SDK1: variants seen among roughly 807,000 people sequenced by gnomAD.
The protein encoded by SDK1 is protein sidekick-1.
Under a neutral mutation model 245.5 loss-of-function variants are expected in SDK1, and 157 were observed. That is an observed-to-expected ratio of 0.64 (90% CI 0.56 to 0.73). The LOEUF (loss-of-function observed/expected upper bound fraction) is 0.73. Among genes scored for constraint, SDK1 ranks in the 30% least tolerant of loss-of-function variants. SDK1 has a pLI of 0.00. For missense variants in SDK1, 3,583 were observed against 3,002.3 expected, an observed-to-expected ratio of 1.19 and a Z score of -4.52; for synonymous variants, 1,647 against 1,278.5, an observed-to-expected ratio of 1.29 and a Z score of -6.15.
intron 4 of SDK1, among the ~76,000 whole-genome samples, chr7:3,657,535 G>C (rs896358498): frequency 6.6e-6 from 1 of 152,178 alleles, no homozygotes; most frequent in East Asian, 1.9e-4. Context: ...GACTGTGAGA[G>C]CCAGCTGTGC....
chr7:4,166,871 G>A (rs533536579), intron 32 of SDK1, among the ~76,000 whole-genome samples: 2 of 152,238 alleles, frequency 1.3e-5, no homozygotes, highest in African/African-American at 4.8e-5. Flanking sequence ...GAGCTGGGTG[G>A]GAGGTTCCAC....
chr7:3,323,630 A>G (rs918230970), intron 1 of SDK1, among the ~76,000 whole-genome samples: 17 of 152,208 alleles, frequency 1.1e-4, no homozygotes, highest in East Asian at 1.9e-4. Context: ...CAAACCAGCA[A>G]TGGTGTGTCA....
chr7:3,398,750 A>G (rs1778801527), intron 1 of SDK1, among the ~76,000 whole-genome samples: 1 of 148,092 alleles, frequency 6.8e-6, no homozygotes, highest in Non-Finnish European at 1.5e-5. Flanking sequence ...TGGGTCCCCT[A>G]AGACTGAGCC....
intron 1 of SDK1, among the ~76,000 whole-genome samples, chr7:3,414,085 A>G (rs571801993): frequency 6.6e-6 from 1 of 152,282 alleles, no homozygotes; most frequent in South Asian, 2.1e-4. Context: ...CAGCAGAGAT[A>G]GCTATGCCTT....
At chr7:4,191,466 G>C (rs1298816634) in intron 35 of SDK1, among the ~76,000 whole-genome samples, 1 of 152,248 alleles carries the variant, frequency 6.6e-6, no homozygotes, top group Non-Finnish European at 1.5e-5. Context: ...ACCATCCTGA[G>C]TTTCACTCCT....
intron 1 of SDK1, among the ~76,000 whole-genome samples, chr7:3,581,334 G>A (rs1333165238): frequency 6.6e-6 from 1 of 152,162 alleles, no homozygotes; most frequent in Non-Finnish European, 1.5e-5. Context: ...TAATTAGTGG[G>A]CAAAGGACAT....
chr7:3,476,529 A>G lies in SDK1; in HGVS notation c.299-142551A>G, dbSNP rs1324815090. On this transcript the variant is annotated intron_variant, in intron 1 of 44. Transcript: ENST00000404826. ...GAAATCTTCTAATACCTTATTACCA[A>G]AAAGTTTGGGGTCATATAGGACTTT... Among the ~76,000 whole-genome samples the G allele has an allele frequency of 2.6e-5, 4 of 152,188 alleles. No individual in the cohort carries two copies. The East Asian group carries it at 7.7e-4, about 29-fold the overall frequency.
At chr7:4,207,067 C>T (rs1051898505) in intron 36 of SDK1, among the ~76,000 whole-genome samples, 4 of 152,180 alleles carry the variant, frequency 2.6e-5, no homozygotes, top group Non-Finnish European at 5.9e-5. Flanking sequence ...AAGGCCTGGG[C>T]GAGCGGAAGA....
At chr7:3,705,901 T>C (rs186496104) in intron 4 of SDK1, among the ~76,000 whole-genome samples, 36 of 152,304 alleles carry the variant, frequency 2.4e-4, no homozygotes, top group African/African-American at 8.2e-4. Flanking sequence ...ATGTTGGATG[T>C]GGGTTTGCCA....
At chr7:3,717,926 A>G (rs374558584) in intron 4 of SDK1, among the ~76,000 whole-genome samples, 1 of 151,848 alleles carries the variant, frequency 6.6e-6, no homozygotes, top group African/African-American at 2.4e-5. Flanking sequence ...GGCCAGTATT[A>G]TTCTGATACC....
intron 2 of SDK1, among the ~76,000 whole-genome samples, chr7:3,629,312 GA>G (rs1481026163): frequency 1.2e-5 from 1 of 86,072 alleles, no homozygotes; most frequent in African/African-American, 3.0e-5. Context: ...AAAAAAAAAA[GA>G]AAAAAAAGAA....
chr7:4,144,687 C>G (rs999906959), intron 28 of SDK1, among the ~76,000 whole-genome samples: 1 of 152,052 alleles, frequency 6.6e-6, no homozygotes, highest in African/African-American at 2.4e-5. Context: ...TCACCCGGAA[C>G]AGAGGCTGAG....
In SDK1 at chr7:3,619,385, A is replaced by G. The variant is rs1299819012; in HGVS notation, c.458+146A>G. On this transcript the variant is annotated intron_variant, in intron 2 of 44. Transcript: ENST00000404826. Reference sequence around the variant, plus strand: ...ATTAAAGGAATAGATTTGAATATGTAATTAGAATGTGATTTACTATTCTGA... The same window carrying G: ...ATTAAAGGAATAGATTTGAATATGTGATTAGAATGTGATTTACTATTCTGA... 4.6e-6 allele frequency: 3 copies of G among 651,686 alleles called. No homozygotes were observed. In the African/African-American group the frequency reaches 5.4e-5, roughly 12 times the overall value. 40.4% of individuals were successfully genotyped at this position (651,686 alleles called of 1,614,324 possible). A position where few individuals can be genotyped will look rare whatever the true frequency, so the allele number is the denominator to read the frequency against.
chr7:3,443,194 A>G (rs1016284606), intron 1 of SDK1, among the ~76,000 whole-genome samples: 2 of 152,206 alleles, frequency 1.3e-5, no homozygotes, highest in Admixed American at 1.3e-4. Flanking sequence ...AGCATTAACA[A>G]AAAAACTTAA....
intron 1 of SDK1, among the ~76,000 whole-genome samples, chr7:3,517,595 C>A (rs1235838210): frequency 6.6e-6 from 1 of 152,128 alleles, no homozygotes; most frequent in African/African-American, 2.4e-5. Flanking sequence ...TCATGACTTG[C>A]AGCTCAGAGC....
intron 40 of SDK1, among the ~76,000 whole-genome samples, chr7:4,228,728 C>T (rs886642224): frequency 3.9e-5 from 6 of 152,110 alleles, no homozygotes; most frequent in Non-Finnish European, 5.9e-5. Context: ...TTAGTAGAGA[C>T]GGGGTTTCAC....
intron 17 of SDK1, among the ~76,000 whole-genome samples, chr7:4,031,026 C>T (rs55889994): frequency 0.017 from 2,566 of 152,180 alleles, 70 homozygotes; most frequent in African/African-American, 0.059. Context: ...CACATACATG[C>T]GCAAACAGAG....
At chr7:3,375,309 C>A (rs142889894) in intron 1 of SDK1, among the ~76,000 whole-genome samples, 2 of 152,130 alleles carry the variant, frequency 1.3e-5, no homozygotes, top group Non-Finnish European at 2.9e-5. Context: ...TGACCCAGGA[C>A]TAGACAGAAA....
chr7:4,087,512 T>C (rs143652091), intron 22 of SDK1, among the ~76,000 whole-genome samples: 1 of 151,846 alleles, frequency 6.6e-6, no homozygotes, highest in East Asian at 1.9e-4. Context: ...TTGCTTGACT[T>C]TCTTAGGATT....
Sources: gnomAD v4.1 joint callset for allele counts (sites outside exome capture counted in the v4.1 genomes callset) on GRCh38, gnomAD v4.1.1 for gene constraint, MANE v1.5 for transcripts, NCBI Gene and HGNC (gene_info 2026-07-23, HGNC 2026-07-21) for gene names.